The following SLC39A14 variants were observed in gnomAD, a reference collection of about 807,000 sequenced individuals.
The protein encoded by SLC39A14 is solute carrier family 39 member 14, also known as metal cation symporter ZIP14.
In SLC39A14, 19 loss-of-function variants were observed where a neutral mutation model predicts 45.5. The observed-to-expected ratio is 0.42, with a 90% CI of 0.29 to 0.61. SLC39A14 has a LOEUF of 0.61. Ranked by LOEUF, SLC39A14 falls within the 20% of genes least tolerant of loss-of-function variation. The pLI is 0.22. For synonymous variants in SLC39A14, 264 were observed against 251.3 expected, an observed-to-expected ratio of 1.05 and a Z score of -0.48; for missense variants, 447 against 616.5, an observed-to-expected ratio of 0.73 and a Z score of 2.91.
At chr8:22,432,416 G>C (rs979176205) in intron 8 of SLC39A14, among the ~76,000 whole-genome samples, 2 of 151,512 alleles carry the variant, frequency 1.3e-5, no homozygotes, top group Non-Finnish European at 2.9e-5. Flanking sequence ...CTTTCTCTCT[G>C]CTCCTTCCCT....
chr8:22,419,721 A>G lies in SLC39A14; in HGVS notation c.*23A>G, dbSNP rs1428145684. On this transcript the variant is annotated 3_prime_UTR_variant, in exon 9 of 9. Transcript: ENST00000381237. ...TAGGGCTCTGCCAAGAGCCTGTGGGACTGGAAGTCGGGCCCTGGGCTGCCC... is the reference window on the plus strand; with the variant it reads ...TAGGGCTCTGCCAAGAGCCTGTGGGGCTGGAAGTCGGGCCCTGGGCTGCCC... 2.6e-6 allele frequency: 4 copies of G among 1,564,020 alleles called. No homozygotes were observed. The South Asian group carries it at 3.6e-5, about 14-fold the overall frequency.
chr8:22,388,958 A>G (rs898639233), intron 1 of SLC39A14, among the ~76,000 whole-genome samples: 1 of 152,156 alleles, frequency 6.6e-6, no homozygotes, highest in East Asian at 1.9e-4. Flanking sequence ...TGAGAAATCA[A>G]AAGTTCAAGA....
intron 8 of SLC39A14, among the ~76,000 whole-genome samples, chr8:22,430,305 T>G (rs996502662): frequency 6.6e-6 from 1 of 152,182 alleles, no homozygotes; most frequent in Non-Finnish European, 1.5e-5. Flanking sequence ...TGGGCTCAAG[T>G]AATCCTGCTG....
intron 8 of SLC39A14, among the ~76,000 whole-genome samples, chr8:22,428,677 G>C (rs531352587): frequency 3.2e-4 from 49 of 151,904 alleles, no homozygotes; most frequent in African/African-American, 1.2e-3. Flanking sequence ...TCTTGACCTT[G>C]TGATCCGCCC....
chr8:22,429,039 G>A (rs892551599), intron 8 of SLC39A14, among the ~76,000 whole-genome samples: 11 of 152,048 alleles, frequency 7.2e-5, no homozygotes, highest in South Asian at 2.1e-4. Flanking sequence ...TTGGGAGGCC[G>A]AGGCGGGTGG....
chr8:22,416,295 C>G lies in SLC39A14; in HGVS notation c.1147+15C>G. 1 of 1,610,388 alleles carries G rather than the reference C, an allele frequency of 6.2e-7. No individual in the cohort carries two copies. The highest frequency in any genetic ancestry group is 2.2e-5 in the East Asian group (1 of 44,856). On this transcript the variant is annotated intron_variant, in intron 7 of 8. Transcript: ENST00000381237. The stretch of plus-strand genomic sequence containing the variant: ...ACATGAGCTAGGTAAGCGTGCGTCC[C>G]CCGTTCCACTGGTGCTCCCTTGGGT...
At chr8:22,374,052 G>T (rs1833079245) in intron 1 of SLC39A14, among the ~76,000 whole-genome samples, 1 of 152,180 alleles carries the variant, frequency 6.6e-6, no homozygotes, top group Non-Finnish European at 1.5e-5. Context: ...GACTAAAGGC[G>T]TGAGCCACCG....
At chr8:22,380,540 G>A (rs1410925215) in intron 1 of SLC39A14, among the ~76,000 whole-genome samples, 4 of 152,242 alleles carry the variant, frequency 2.6e-5, no homozygotes, top group East Asian at 1.9e-4. Context: ...AGGGACCCAC[G>A]CACAGATGCA....
chr8:22,430,729 G>A (rs13274902), intron 8 of SLC39A14, among the ~76,000 whole-genome samples: 2 of 151,600 alleles, frequency 1.3e-5, no homozygotes, highest in Non-Finnish European at 2.9e-5. Flanking sequence ...CTGGAGTGCA[G>A]TGGTGTGATC....
chr8:22,415,790 T>C lies in SLC39A14; in HGVS notation c.772T>C (p.Tyr258His), dbSNP rs770901464. Residue 258 changes from tyrosine (Y) to histidine (H), a missense_variant, in exon 6 of 9, where the codon TAT becomes CAT. Tyr to His is a moderately conservative substitution (Grantham distance 83, BLOSUM62 2). Transcript: ENST00000381237. ...KNEHHHGHSHYASESLPSKKD... is the reference protein window; with the variant it reads ...KNEHHHGHSHHASESLPSKKD... ...CCAGCATCATCATGGACACAGCCATTATGCCTCTGAGTCGCTTCCCTCCAA... is the reference window on the plus strand; with the variant it reads ...CCAGCATCATCATGGACACAGCCATCATGCCTCTGAGTCGCTTCCCTCCAA... 1 of 1,612,510 alleles carries C rather than the reference T, an allele frequency of 6.2e-7. No individual in the cohort carries two copies. The highest frequency in any genetic ancestry group is 8.5e-7 in the Non-Finnish European group (1 of 1,179,628).
chr8:22,420,851 A>T lies in SLC39A14; in HGVS notation c.*1153A>T. 1 of 985,270 alleles carries T rather than the reference A, an allele frequency of 1.0e-6. No individual in the cohort carries two copies. The highest frequency in any genetic ancestry group is 1.2e-6 in the Non-Finnish European group (1 of 829,916). The allele number at this position is 985,270 out of a possible 1,614,324, so 61.0% of individuals were successfully genotyped here. On this transcript the variant is annotated 3_prime_UTR_variant, in exon 9 of 9. Transcript: ENST00000381237. ...TTGCAGAATGGTTGGCCTAATGATT[A>T]TGCTACAGATGGGTTTTAAATGACC...
At chr8:22,373,944 G>T (rs1833070765) in intron 1 of SLC39A14, among the ~76,000 whole-genome samples, 1 of 152,114 alleles carries the variant, frequency 6.6e-6, no homozygotes, top group Non-Finnish European at 1.5e-5. Context: ...ATTTTTAGTG[G>T]ACATGGGGTT....
At chr8:22,388,017 A>C (rs777105769) in intron 1 of SLC39A14, among the ~76,000 whole-genome samples, 2 of 152,210 alleles carry the variant, frequency 1.3e-5, no homozygotes, top group Non-Finnish European at 2.9e-5. Flanking sequence ...CTGTCTGTTT[A>C]TATATGCGTT....
intron 4 of SLC39A14, among the ~76,000 whole-genome samples, chr8:22,414,110 C>G (rs114957004): frequency 0.024 from 3,675 of 152,230 alleles, 150 homozygotes; most frequent in African/African-American, 0.085. Flanking sequence ...AAATCAGGAG[C>G]TTACCCTAGG....
chr8:22,417,765 GCCA>G lies in SLC39A14; in HGVS notation c.1264_1266del (p.His422del). 6.2e-7 allele frequency: 1 copy of G among 1,614,198 alleles called. No individual in the cohort carries two copies. Among genetic ancestry groups the G allele is most frequent in the Non-Finnish European group, 8.5e-7 (1 of 1,180,044 alleles). ...CTGGCCTTTGGCATCCTGGCCGGCA[GCCA>G]CTTCTCTGCCAACTGGATTTTTGCG... On this transcript the variant is annotated inframe_deletion, in exon 8 of 9. Coordinates refer to ENST00000381237, the MANE Select transcript of SLC39A14 (RefSeq NM_001128431.4).
chr8:22,413,836 GC>G (rs762937394), intron 4 of SLC39A14, among the ~76,000 whole-genome samples: 2 of 152,116 alleles, frequency 1.3e-5, no homozygotes, highest in Non-Finnish European at 2.9e-5. Context: ...GTGCAGTGGT[GC>G]CATCTCGGCT....
At chr8:22,393,266 G>A (rs1021199239) in intron 1 of SLC39A14, 1 of 983,880 alleles carries the variant, frequency 1.0e-6, no homozygotes, top group Non-Finnish European at 1.2e-6. Context: ...GAGGGCAAGA[G>A]GAGGCAGGGG....
chr8:22,372,941 ATAAGGCGAT>A (rs1833010508), intron 1 of SLC39A14, among the ~76,000 whole-genome samples: 1 of 152,054 alleles, frequency 6.6e-6, no homozygotes, highest in Non-Finnish European at 1.5e-5. Context: ...AAAAGCAAAA[ATAAGGCGAT>A]TACACGTTAA....
Position 22,415,777 on chromosome 8 carries a change from T to C in SLC39A14, c.759T>C (p.His253=), listed in dbSNP as rs747850563. ...CCCTGTCACCCTTCCAGCATCATCA[T>C]GGACACAGCCATTATGCCTCTGAGT... is the stretch of plus-strand genomic sequence containing the variant. ...ILLKQKNEHH[H]GHSHYASESL... Residue 253 remains histidine, a synonymous_variant, in exon 6 of 9, where the codon CAT becomes CAC. Transcript: ENST00000381237. The C allele has an allele frequency of 6.2e-7, 1 of 1,611,160 alleles. No individual in the cohort carries two copies. Among genetic ancestry groups the C allele is most frequent in the South Asian group, 1.1e-5 (1 of 90,644 alleles).
Sources: gnomAD v4.1 joint callset for allele counts (sites outside exome capture counted in the v4.1 genomes callset) on GRCh38, gnomAD v4.1.1 for gene constraint, MANE v1.5 for transcripts, NCBI Gene and HGNC (gene_info 2026-07-23, HGNC 2026-07-21) for gene names.